Variants in KCNN2 observed in about 807,000 individuals in gnomAD.
KCNN2 encodes small conductance calcium-activated potassium channel protein 2.
A neutral mutation model predicts 55.5 loss-of-function variants in KCNN2; 24 were observed. The ratio of observed to expected loss-of-function variants is 0.43; its 90% CI spans 0.31 to 0.61. KCNN2 has a LOEUF of 0.61. KCNN2 is among the 20% of genes least tolerant of loss of function. The probability of loss-of-function intolerance (pLI) is 0.08; values close to 1 mark genes in which losing one functional copy is unlikely to be tolerated. For synonymous variants in KCNN2, 431 were observed against 336.1 expected (o/e 1.28, Z -3.09); for missense variants, 754 against 853.6 (o/e 0.88, Z 1.45).
intron 2 of KCNN2, among the ~76,000 whole-genome samples, chr5:114,296,989 C>T (rs1756023306): frequency 6.6e-6 from 1 of 152,062 alleles, no homozygotes; most frequent in Non-Finnish European, 1.5e-5. Context: ...TCCTCCTTAG[C>T]TACTTGCTTG....
At chr5:114,292,295 G>C (rs1012975183) in intron 2 of KCNN2, among the ~76,000 whole-genome samples, 1 of 152,168 alleles carries the variant, frequency 6.6e-6, no homozygotes, top group Non-Finnish European at 1.5e-5. Context: ...GCATTGCCTA[G>C]GTTTTCTTCT....
intron 4 of KCNN2, among the ~76,000 whole-genome samples, chr5:114,472,063 CTCAGGGTTGAGAT>C (rs1358868798): frequency 1.3e-5 from 2 of 152,174 alleles, no homozygotes; most frequent in Admixed American, 1.3e-4. Flanking sequence ...CTGTGGTCCT[CTCAGGGTTGAGAT>C]TCTATCTGGA....
chr5:114,439,515 C>T (rs1461950003), intron 3 of KCNN2, among the ~76,000 whole-genome samples: 3 of 152,044 alleles, frequency 2.0e-5, no homozygotes, highest in African/African-American at 7.2e-5. Context: ...ACCTAGGAGC[C>T]ATAAAAATAT....
intron 1 of KCNN2, among the ~76,000 whole-genome samples, chr5:114,166,051 C>CT (rs112511422): frequency 0.014 from 2,187 of 151,966 alleles, 48 homozygotes; most frequent in African/African-American, 0.049. Flanking sequence ...TGAAACAATT[C>CT]TTTTTTTTAT....
chr5:114,327,076 G>A (rs960802370), intron 2 of KCNN2, among the ~76,000 whole-genome samples: 45 of 152,096 alleles, frequency 3.0e-4, no homozygotes, highest in African/African-American at 1.1e-3. Flanking sequence ...ATGAAAACAG[G>A]AAACAAAAAC....
At chr5:114,388,652 A>G (rs1337815269) in intron 2 of KCNN2, among the ~76,000 whole-genome samples, 1 of 152,122 alleles carries the variant, frequency 6.6e-6, no homozygotes, top group Non-Finnish European at 1.5e-5. Flanking sequence ...TGCTGCATGC[A>G]GAGCACTCCT....
intron 1 of KCNN2, among the ~76,000 whole-genome samples, chr5:114,086,003 G>A (rs79300915): frequency 0.014 from 2,155 of 152,162 alleles, 120 homozygotes; most frequent in Admixed American, 0.11. Context: ...TGCTAATATG[G>A]TTAGTCCTAA....
intron 7 of KCNN2, among the ~76,000 whole-genome samples, chr5:114,494,967 T>A (rs1252751399): frequency 3.3e-5 from 5 of 152,146 alleles, no homozygotes; most frequent in Non-Finnish European, 7.4e-5. Flanking sequence ...GATCTCAGAC[T>A]TGGGAAAGTC....
At chr5:114,430,982 T>A (rs1759774960) in intron 3 of KCNN2, among the ~76,000 whole-genome samples, 1 of 152,148 alleles carries the variant, frequency 6.6e-6, no homozygotes, top group Non-Finnish European at 1.5e-5. Context: ...GTACTTTAAG[T>A]AAACTTGCTA....
chr5:114,367,330 C>G (rs966824297), intron 2 of KCNN2, among the ~76,000 whole-genome samples: 1 of 152,190 alleles, frequency 6.6e-6, no homozygotes, highest in Non-Finnish European at 1.5e-5. Context: ...TTATACCTCA[C>G]TACCAAAAAT....
chr5:114,220,133 A>C (rs1754101820), intron 1 of KCNN2, among the ~76,000 whole-genome samples: 1 of 152,166 alleles, frequency 6.6e-6, no homozygotes, highest in South Asian at 2.1e-4. Context: ...TGGCCGTGTA[A>C]AACAAAGTTC....
intron 2 of KCNN2, among the ~76,000 whole-genome samples, chr5:114,286,458 T>A (rs566601881): frequency 1.3e-5 from 2 of 152,200 alleles, no homozygotes; most frequent in African/African-American, 4.8e-5. Context: ...AATAATTCGA[T>A]CATCCAGAGA....
intron 1 of KCNN2, among the ~76,000 whole-genome samples, chr5:114,124,713 A>G (rs1751896392): frequency 6.6e-6 from 1 of 152,066 alleles, no homozygotes; most frequent in South Asian, 2.1e-4. Context: ...TATTCTCAAC[A>G]TCTTTTCCAA....
At chr5:114,207,016 A>G (rs1235337615) in intron 1 of KCNN2, among the ~76,000 whole-genome samples, 1 of 152,092 alleles carries the variant, frequency 6.6e-6, no homozygotes, top group East Asian at 1.9e-4. Flanking sequence ...CTTAGTGTAT[A>G]TTTAGAACAC....
intron 3 of KCNN2, among the ~76,000 whole-genome samples, chr5:114,415,002 G>T (rs1759262041): frequency 6.6e-6 from 1 of 151,670 alleles, no homozygotes; most frequent in Non-Finnish European, 1.5e-5. Context: ...CAGTCTTCCA[G>T]GTGACCACTA....
chr5:114,449,459 A>G lies in KCNN2; in HGVS notation c.1638-13590A>G, dbSNP rs545433982. Among the ~76,000 whole-genome samples the G allele has an allele frequency of 7.2e-5, 11 of 152,330 alleles. No homozygotes were observed. In the South Asian group the frequency reaches 2.1e-3, roughly 29 times the overall value. On this transcript the variant is annotated intron_variant, in intron 3 of 7. Coordinates refer to ENST00000673685, the MANE Select transcript of KCNN2 (RefSeq NM_021614.4). Reference sequence around the variant, plus strand: ...ATAGAGTACTTGCTGAATATAGAGCACACAGTCTGTACACTGATGAGGACT... The same window carrying G: ...ATAGAGTACTTGCTGAATATAGAGCGCACAGTCTGTACACTGATGAGGACT...
intron 3 of KCNN2, among the ~76,000 whole-genome samples, chr5:114,458,687 C>T (rs887943448): frequency 5.3e-5 from 8 of 152,038 alleles, no homozygotes; most frequent in Non-Finnish European, 1.2e-4. Context: ...GTCTTATGAC[C>T]CAAAGTAACG....
chr5:114,268,077 T>A (rs897965478), intron 2 of KCNN2, among the ~76,000 whole-genome samples: 1 of 152,204 alleles, frequency 6.6e-6, no homozygotes, highest in African/African-American at 2.4e-5. Flanking sequence ...AATCGCGTCA[T>A]TTGCTGCCCA....
intron 2 of KCNN2, among the ~76,000 whole-genome samples, chr5:114,349,899 C>T (rs1193350039): frequency 6.6e-6 from 1 of 151,994 alleles, no homozygotes; most frequent in Non-Finnish European, 1.5e-5. Context: ...TTCATCACAT[C>T]CTTGACAACA....
Sources: gnomAD v4.1 joint callset for allele counts (sites outside exome capture counted in the v4.1 genomes callset) on GRCh38, gnomAD v4.1.1 for gene constraint, MANE v1.5 for transcripts, NCBI Gene and HGNC (gene_info 2026-07-23, HGNC 2026-07-21) for gene names.